The following CMSS1 variants were observed in gnomAD, a reference collection of about 807,000 sequenced individuals.
CMSS1 encodes the protein protein CMSS1.
Under a neutral mutation model 43.5 loss-of-function variants are expected in CMSS1, and 33 were observed. The ratio of observed to expected loss-of-function variants is 0.76; its 90% CI spans 0.57 to 1.01. The LOEUF (loss-of-function observed/expected upper bound fraction) is 1.01, where lower values mean the gene tolerates loss of function less well. Ranked by LOEUF, CMSS1 falls within the 50% of genes least tolerant of loss-of-function variation. The pLI, the probability that CMSS1 is intolerant of heterozygous loss-of-function variation, is 0.00. For synonymous variants in CMSS1, 115 were observed against 117.2 expected (o/e 0.98, Z 0.12); for missense variants, 313 against 326.4 (o/e 0.96, Z 0.32).
At chr3:99,928,102 T>C (rs1707355079) in intron 1 of CMSS1, among the ~76,000 whole-genome samples, 1 of 152,212 alleles carries the variant, frequency 6.6e-6, no homozygotes, top group Non-Finnish European at 1.5e-5. Flanking sequence ...AGAATAACTT[T>C]AGCATTCAAG....
rs116757733 is a variant in CMSS1, at chr3:99,889,036, A to T, written c.64+70993A>T. 4.5e-3 allele frequency among the ~76,000 whole-genome samples: 687 copies of T among 152,218 alleles called. 7 individuals carry two copies. Among genetic ancestry groups the T allele is most frequent in the African/African-American group, 0.016 (673 of 41,530 alleles). On this transcript the variant is annotated intron_variant, in intron 1 of 9. Transcript: ENST00000421999. ...AAGGTTTGTTTCATGGCCTCACTAC[A>T]TGGTTACTTTTTGTTCAGGTTCTCT...
chr3:99,896,406 G>A (rs997660231), intron 1 of CMSS1, among the ~76,000 whole-genome samples: 3 of 152,140 alleles, frequency 2.0e-5, no homozygotes, highest in Non-Finnish European at 2.9e-5. Flanking sequence ...CATTAGTACA[G>A]CATTTCTGTG....
At chr3:99,821,424 TG>T (rs1942437103) in intron 1 of CMSS1, among the ~76,000 whole-genome samples, 1 of 152,192 alleles carries the variant, frequency 6.6e-6, no homozygotes, top group African/African-American at 2.4e-5. Context: ...ATTGGAGTCA[TG>T]GCCCAACATA....
chr3:100,033,715 T>TA (rs1042992030), intron 1 of CMSS1, among the ~76,000 whole-genome samples: 105 of 151,704 alleles, frequency 6.9e-4, no homozygotes, highest in African/African-American at 7.7e-4. Context: ...GAATTGATTT[T>TA]AAAAAAAAAC....
intron 1 of CMSS1, among the ~76,000 whole-genome samples, chr3:99,866,458 A>C (rs1397327038): frequency 6.6e-6 from 1 of 152,200 alleles, no homozygotes; most frequent in Non-Finnish European, 1.5e-5. Context: ...TACTGAAGTC[A>C]CAGTTTGCCA....
chr3:100,103,771 C>T (rs2066348249), intron 1 of CMSS1, among the ~76,000 whole-genome samples: 1 of 152,166 alleles, frequency 6.6e-6, no homozygotes, highest in South Asian at 2.1e-4. Flanking sequence ...TTGCAATAAA[C>T]ATGTTTGTTC....
At chr3:99,879,463 T>C (rs1479753225) in intron 1 of CMSS1, among the ~76,000 whole-genome samples, 1 of 152,244 alleles carries the variant, frequency 6.6e-6, no homozygotes, top group East Asian at 1.9e-4. Context: ...AATATACTGC[T>C]AATCACATCA....
At chr3:99,885,030 T>C (rs1705847480) in intron 1 of CMSS1, among the ~76,000 whole-genome samples, 2 of 152,242 alleles carry the variant, frequency 1.3e-5, no homozygotes, top group African/African-American at 4.8e-5. Flanking sequence ...GCCTGTGGAC[T>C]TGAGGGAAAA....
At chr3:100,166,417 C>G in intron 5 of CMSS1, 23 bp downstream of exon 5, 2 of 1,427,608 alleles carry the variant, frequency 1.4e-6, no homozygotes, top group Non-Finnish European at 2.0e-6. Flanking sequence ...TGATTTTAAT[C>G]TATTTAAACT....
intron 1 of CMSS1, among the ~76,000 whole-genome samples, chr3:99,970,848 A>C (rs1335608573): frequency 1.3e-5 from 2 of 152,218 alleles, no homozygotes; most frequent in Non-Finnish European, 2.9e-5. Context: ...TGTTGTGAGG[A>C]TATTATAGAT....
At chr3:99,885,665 G>A (rs747611057) in intron 1 of CMSS1, among the ~76,000 whole-genome samples, 2 of 152,156 alleles carry the variant, frequency 1.3e-5, no homozygotes, top group Non-Finnish European at 2.9e-5. Context: ...AACAATATTT[G>A]TCTATATATC....
chr3:99,998,620 T>C (rs1235983216), intron 1 of CMSS1, among the ~76,000 whole-genome samples: 1 of 152,200 alleles, frequency 6.6e-6, no homozygotes, highest in Admixed American at 6.5e-5. Flanking sequence ...TGGAGTGCAG[T>C]GGTGCGATCT....
At chr3:100,089,632 T>C (rs897004385) in intron 1 of CMSS1, among the ~76,000 whole-genome samples, 4 of 152,228 alleles carry the variant, frequency 2.6e-5, no homozygotes, top group African/African-American at 9.6e-5. Context: ...TATATGATAT[T>C]TGATAACTGA....
rs556884796 is a variant in CMSS1 at position 100,045,198 on chromosome 3, G to A, written c.65-101775G>A. ...AATATGACCTCTCGAAGCCTTAGTT[G>A]TTGCATCTATAACTTGGAAGTAATG... On this transcript the variant is annotated intron_variant, in intron 1 of 9. Coordinates refer to ENST00000421999, the MANE Select transcript of CMSS1 (RefSeq NM_032359.4). 1.8e-4 allele frequency among the ~76,000 whole-genome samples: 27 copies of A among 152,336 alleles called. No individual in the cohort carries two copies. In the South Asian group the frequency reaches 3.1e-3, roughly 18 times the overall value.
intron 1 of CMSS1, among the ~76,000 whole-genome samples, chr3:99,924,954 G>A (rs1437981691): frequency 3.3e-5 from 5 of 152,080 alleles, no homozygotes; most frequent in Non-Finnish European, 5.9e-5. Flanking sequence ...GTGTCCCTGT[G>A]GGTATCAACT....
chr3:99,905,738 G>A (rs186903580), intron 1 of CMSS1, among the ~76,000 whole-genome samples: 2 of 152,250 alleles, frequency 1.3e-5, no homozygotes, highest in East Asian at 1.9e-4. Flanking sequence ...ACCATTTGAT[G>A]TCTATTACTG....
Position 99,909,974 on chromosome 3 carries a change from G to A in CMSS1, c.64+91931G>A, listed in dbSNP as rs1179960058. On this transcript the variant is annotated intron_variant, in intron 1 of 9. Transcript: ENST00000421999. ...AAATGAGTGAGAAATTTCAGTTCTC[G>A]GGGCAAAATGTGTATTCAGAGCTGA... Among the ~76,000 whole-genome samples, 8 of 83,484 alleles carry A rather than the reference G, an allele frequency of 9.6e-5. No homozygotes were observed. The South Asian group carries it at 1.3e-3, about 14-fold the overall frequency. The allele number at this position is 83,484 out of a possible 152,430, so 54.8% of individuals were successfully genotyped here. A position where few individuals can be genotyped will look rare whatever the true frequency, so the allele number is the denominator to read the frequency against.
chr3:100,022,428 A>G (rs1035467226), intron 1 of CMSS1, among the ~76,000 whole-genome samples: 1 of 152,092 alleles, frequency 6.6e-6, no homozygotes, highest in African/African-American at 2.4e-5. Context: ...TATTCATTCC[A>G]TTTCTTTGGA....
At chr3:99,995,341 G>A (rs921608743) in intron 1 of CMSS1, among the ~76,000 whole-genome samples, 2 of 152,196 alleles carry the variant, frequency 1.3e-5, no homozygotes, top group Admixed American at 6.5e-5. Flanking sequence ...AGGTCACACT[G>A]ATGTAAGAGG....
Sources: allele counts gnomAD v4.1 joint callset (sites outside exome capture counted in the v4.1 genomes callset), GRCh38; gene constraint gnomAD v4.1.1; transcripts MANE v1.5; gene names NCBI Gene and HGNC (gene_info 2026-07-23, HGNC 2026-07-21).